The following MALRD1 variants were observed in gnomAD, a reference collection of about 807,000 sequenced individuals.
The protein encoded by MALRD1 is MAM and LDL-receptor class A domain-containing protein 1.
Under a neutral mutation model 242.1 loss-of-function variants are expected in MALRD1, and 247 were observed. That is an observed-to-expected ratio of 1.02 (90% CI 0.92 to 1.13). The LOEUF (loss-of-function observed/expected upper bound fraction) is 1.13. Among genes scored for constraint, MALRD1 ranks in the 50% most tolerant of loss-of-function variants. The pLI is 0.00. For synonymous variants in MALRD1, 995 were observed against 866.6 expected, an observed-to-expected ratio of 1.15 and a Z score of -2.60; for missense variants, 2,989 against 2,533.1, an observed-to-expected ratio of 1.18 and a Z score of -3.86.
intron 5 of MALRD1, among the ~76,000 whole-genome samples, chr10:19,108,361 A>G (rs893341922): frequency 1.4e-5 from 2 of 141,864 alleles, no homozygotes; most frequent in Non-Finnish European, 3.1e-5. Context: ...TGTTCAAATA[A>G]TTATTGAGCT....
chr10:19,235,874 T>C (rs1838296885), intron 18 of MALRD1, among the ~76,000 whole-genome samples: 1 of 152,068 alleles, frequency 6.6e-6, no homozygotes, highest in South Asian at 2.1e-4. Flanking sequence ...TTTCAAACCC[T>C]TGAAGCTTCT....
chr10:19,630,415 G>A lies in MALRD1; in HGVS notation c.6137+14492G>A, dbSNP rs150995642. 6.6e-3 allele frequency among the ~76,000 whole-genome samples: 1,005 copies of A among 152,182 alleles called. 45 individuals carry two copies. The highest frequency in any genetic ancestry group is 0.06 in the Admixed American group (913 of 15,278). ...TCTAACAATTTTGAGGACTAAGGTA[G>A]CATGCTTTCTAAATATATAGGGGGA... On this transcript the variant is annotated intron_variant, in intron 36 of 39. Coordinates refer to ENST00000454679, the MANE Select transcript of MALRD1 (RefSeq NM_001142308.3).
At chr10:19,305,216 A>G (rs929356824) in intron 21 of MALRD1, among the ~76,000 whole-genome samples, 1 of 151,694 alleles carries the variant, frequency 6.6e-6, no homozygotes, top group Admixed American at 6.6e-5. Flanking sequence ...AGGCAATAAG[A>G]AAAACATCGA....
Position 19,595,331 on chromosome 10 carries a change from C to T in MALRD1, c.5818C>T (p.Leu1940Phe). The change falls in exon 34 of 40, where the codon CTC becomes TTC. Residue 1940 changes from leucine to phenylalanine, a missense_variant. Physicochemically the swap from Leu to Phe is conservative, Grantham distance 22 (BLOSUM62 0). Coordinates refer to ENST00000454679, the MANE Select transcript of MALRD1 (RefSeq NM_001142308.3). ...IDGSDEMDCPLSPTPPLCSNM... is the reference protein window; with the variant it reads ...IDGSDEMDCPFSPTPPLCSNM... ...TGGATCTGATGAAATGGATTGTCCTCTCAGCCCCACCCCTCCACTCTGTAG... is the reference window on the plus strand; with the variant it reads ...TGGATCTGATGAAATGGATTGTCCTTTCAGCCCCACCCCTCCACTCTGTAG... 6.4e-7 allele frequency: 1 copy of T among 1,550,820 alleles called. No individual in the cohort carries two copies. The highest frequency in any genetic ancestry group is 8.7e-7 in the Non-Finnish European group (1 of 1,147,016).
At chr10:19,198,933 A>G (rs936888183) in intron 14 of MALRD1, among the ~76,000 whole-genome samples, 4 of 152,224 alleles carry the variant, frequency 2.6e-5, no homozygotes, top group Admixed American at 6.5e-5. Flanking sequence ...CTTCAACCTT[A>G]TGATAACTTC....
Position 19,450,254 on chromosome 10 carries a change from T to A in MALRD1, c.4846-53T>A, listed in dbSNP as rs1835245709. 18 of 1,465,032 alleles carry A rather than the reference T, an allele frequency of 1.2e-5. No homozygotes were observed. In the South Asian group the frequency reaches 2.2e-4, roughly 18 times the overall value. 90.8% of individuals were successfully genotyped at this position (1,465,032 alleles called of 1,614,324 possible). A position where few individuals can be genotyped will look rare whatever the true frequency, so the allele number is the denominator to read the frequency against. ...TAACTGGGTTTTGCCCCACACTGCA[T>A]CATCTTCTTTTGTGTTTGATTATTT... On this transcript the variant is annotated intron_variant, in intron 28 of 39. Transcript: ENST00000454679.
At chr10:19,290,350 A>T (rs1476622796) in intron 21 of MALRD1, 2 of 152,226 alleles carry the variant, frequency 1.3e-5, no homozygotes, top group African/African-American at 4.8e-5. Context: ...AGGCATTTTC[A>T]GCACAGAGTT....
At chr10:19,272,206 AAATT>A (rs1840282038) in intron 19 of MALRD1, among the ~76,000 whole-genome samples, 1 of 152,056 alleles carries the variant, frequency 6.6e-6, no homozygotes, top group South Asian at 2.1e-4. Flanking sequence ...TTAGAGAAAA[AAATT>A]AGAGAAACTT....
Position 19,347,843 on chromosome 10 carries a change from A to G in MALRD1, c.3974A>G (p.Asp1325Gly), listed in dbSNP as rs1252863044. ...SWKQEKDEDF[D>G]WNLKASSIPA... Reference sequence around the variant, plus strand: ...AAGCAGGAGAAAGATGAGGACTTTGACTGGAACCTGAAAGCTAGCAGCATC... The same window carrying G: ...AAGCAGGAGAAAGATGAGGACTTTGGCTGGAACCTGAAAGCTAGCAGCATC... The change falls in exon 25 of 40, where the codon GAC becomes GGC. Residue 1325 changes from aspartate (D) to glycine (G), a missense_variant. Coordinates refer to ENST00000454679, the MANE Select transcript of MALRD1 (RefSeq NM_001142308.3). 6.4e-7 allele frequency: 1 copy of G among 1,550,408 alleles called. No homozygotes were observed. The highest frequency in any genetic ancestry group is 8.7e-7 in the Non-Finnish European group (1 of 1,146,826).
chr10:19,681,416 C>T (rs926507376), intron 36 of MALRD1, among the ~76,000 whole-genome samples: 1 of 152,052 alleles, frequency 6.6e-6, no homozygotes, highest in African/African-American at 2.4e-5. Context: ...AGTCTTTACG[C>T]TCTGAAATTC....
intron 32 of MALRD1, among the ~76,000 whole-genome samples, chr10:19,538,765 A>C (rs1834797780): frequency 6.6e-6 from 1 of 152,032 alleles, no homozygotes; most frequent in South Asian, 2.1e-4. Flanking sequence ...TATTTTTGTA[A>C]TTTATATAAA....
intron 12 of MALRD1, among the ~76,000 whole-genome samples, chr10:19,161,550 C>CAA: frequency 0.047 from 2,855 of 60,682 alleles, 123 homozygotes; most frequent in Middle Eastern, 0.071. Context: ...AAAAAAAAAG[C>CAA]AAAAAAAAAA....
chr10:19,595,740 C>T (rs1337049613), intron 34 of MALRD1, among the ~76,000 whole-genome samples: 1 of 152,076 alleles, frequency 6.6e-6, no homozygotes, highest in Non-Finnish European at 1.5e-5. Context: ...GTGTTCTTAT[C>T]TCATTAACGT....
At position 19,483,619 on chromosome 10, in the gene MALRD1, A is replaced by G. The variant is rs554449085; in HGVS notation, c.5030-7898A>G. ...CCATTTCACATCAGTCAGAATGGTT[A>G]CTATTAGAAAGCCAAAAAATAACAG... On this transcript the variant is annotated intron_variant, in intron 29 of 39. Coordinates refer to ENST00000454679, the MANE Select transcript of MALRD1 (RefSeq NM_001142308.3). 6.6e-5 allele frequency among the ~76,000 whole-genome samples: 10 copies of G among 152,310 alleles called. No homozygotes were observed. In the South Asian group the frequency reaches 2.1e-3, roughly 32 times the overall value.
rs761147454 is a variant in MALRD1 at position 19,567,527 on chromosome 10, T to G, written c.5504T>G (p.Leu1835Arg). 1 of 1,550,470 alleles carries G rather than the reference T, an allele frequency of 6.4e-7. No homozygotes were observed. Among genetic ancestry groups the G allele is most frequent in the South Asian group, 1.2e-5 (1 of 84,060 alleles). ...GTGTATACCATTGAAGAATCGGGGC[T>G]AAACATCCTGGTGTGGTCAGTGATT... ...LKVYTIEESG[L>R]NILVWSVIGN... is the part of the protein sequence containing the mutation. The change falls in exon 33 of 40, where the codon CTA becomes CGA. Residue 1835 changes from leucine to arginine, a missense_variant. Physicochemically the swap from Leu to Arg is moderately radical, Grantham distance 102. Transcript: ENST00000454679.
intron 31 of MALRD1, among the ~76,000 whole-genome samples, chr10:19,521,392 A>G (rs1288681336): frequency 1.3e-5 from 2 of 152,006 alleles, no homozygotes; most frequent in Admixed American, 1.3e-4. Context: ...GATCTTAACC[A>G]AAAAAAGACA....
At chr10:19,323,446 A>G (rs1336329462) in intron 21 of MALRD1, among the ~76,000 whole-genome samples, 1 of 152,180 alleles carries the variant, frequency 6.6e-6, no homozygotes, top group Non-Finnish European at 1.5e-5. Context: ...CATTGTACCA[A>G]TTGATATCAT....
Position 19,165,758 on chromosome 10 carries a change from A to G in MALRD1, c.1778A>G (p.His593Arg). The G allele has an allele frequency of 1.6e-6, 2 of 1,231,734 alleles. No homozygotes were observed. The highest frequency in any genetic ancestry group is 2.0e-6 in the Non-Finnish European group (2 of 987,970). The allele number at this position is 1,231,734 out of a possible 1,614,324, so 76.3% of individuals were successfully genotyped here. A position where few individuals can be genotyped will look rare whatever the true frequency, so the allele number is the denominator to read the frequency against. ...AGATTCTCCGAATCTCAGTGGAGCCACGCAAAAATTGATCTCATTGCAGAA... is the reference window on the plus strand; with the variant it reads ...AGATTCTCCGAATCTCAGTGGAGCCGCGCAAAAATTGATCTCATTGCAGAA... Reference protein sequence around the residue: ...IIRFSESQWSHAKIDLIAEAG... With the variant: ...IIRFSESQWSRAKIDLIAEAG... Residue 593 changes from histidine (H) to arginine (R), a missense_variant, in exon 13 of 40, where the codon CAC becomes CGC. By Grantham distance (29) the His-to-Arg change is conservative (BLOSUM62 0). Coordinates refer to ENST00000454679, the MANE Select transcript of MALRD1 (RefSeq NM_001142308.3).
intron 38 of MALRD1, among the ~76,000 whole-genome samples, chr10:19,703,389 C>A (rs1474206274): frequency 6.6e-6 from 1 of 152,080 alleles, no homozygotes; most frequent in Non-Finnish European, 1.5e-5. Context: ...GGAAATATAC[C>A]AAGGCACTCT....
Sources: allele counts gnomAD v4.1 joint callset (sites outside exome capture counted in the v4.1 genomes callset), GRCh38; gene constraint gnomAD v4.1.1; transcripts MANE v1.5; gene names NCBI Gene and HGNC (gene_info 2026-07-23, HGNC 2026-07-21).